The following USP32 variants were observed in gnomAD, a reference collection of about 807,000 sequenced individuals.
The protein encoded by USP32 is ubiquitin specific peptidase 32.
A neutral mutation model predicts 204.8 loss-of-function variants in USP32; 59 were observed. That is an observed-to-expected ratio of 0.29 (90% CI 0.23 to 0.36). The LOEUF (loss-of-function observed/expected upper bound fraction) is 0.36, where lower values mean the gene tolerates loss of function less well. USP32 is among the 10% of genes least tolerant of loss of function. The pLI is 1.00. For synonymous variants in USP32, 517 were observed against 678.4 expected, an observed-to-expected ratio of 0.76 and a Z score of 3.70; for missense variants, 1,160 against 1,946.4, an observed-to-expected ratio of 0.60 and a Z score of 7.60.
intron 1 of USP32, among the ~76,000 whole-genome samples, chr17:60,402,259 T>TC (rs2143025164): frequency 6.6e-6 from 1 of 150,416 alleles, no homozygotes; most frequent in South Asian, 2.1e-4. Flanking sequence ...TTTTTTTTTT[T>TC]TTTTTTTTTA....
chr17:60,366,206 T>C (rs2089310048), intron 1 of USP32, among the ~76,000 whole-genome samples: 1 of 152,110 alleles, frequency 6.6e-6, no homozygotes. Context: ...TCGCCTAGGC[T>C]GGAGTGCAGT....
rs377257156 is a variant in USP32 at position 60,221,694 on chromosome 17, C to T, written c.1749+715G>A. Among the ~76,000 whole-genome samples the T allele has an allele frequency of 1.4e-3, 206 of 151,944 alleles. 1 individual carries two copies. Among genetic ancestry groups the T allele is most frequent in the African/African-American group, 4.6e-3 (189 of 41,452 alleles). On this transcript the variant is annotated intron_variant, in intron 15 of 33. Transcript: ENST00000300896. Reference sequence around the variant, plus strand: ...ATAATTTTTGTATTTTTATTAGACACGGGGTTTCACTATGTTGGCCAGGCT... The same window carrying T: ...ATAATTTTTGTATTTTTATTAGACATGGGGTTTCACTATGTTGGCCAGGCT...
At chr17:60,321,616 G>A (rs887458686) in intron 2 of USP32, among the ~76,000 whole-genome samples, 2 of 152,070 alleles carry the variant, frequency 1.3e-5, no homozygotes, top group Non-Finnish European at 2.9e-5. Flanking sequence ...AATTCCCAAA[G>A]AAATGAGGGC....
chr17:60,330,781 GT>G, intron 2 of USP32, among the ~76,000 whole-genome samples: 1 of 152,156 alleles, frequency 6.6e-6, no homozygotes, highest in Middle Eastern at 3.4e-3. Context: ...TAAAAGCTTA[GT>G]TAAACCCAAA....
intron 2 of USP32, among the ~76,000 whole-genome samples, chr17:60,308,828 T>TGAGACAGGAGAATTGCTCTA (rs1356134575): frequency 6.6e-6 from 1 of 152,180 alleles, no homozygotes; most frequent in Non-Finnish European, 1.5e-5. Context: ...CTCAGGAGGC[T>TGAGACAGGAGAATTGCTCTA]GAGACAGGAG....
In USP32 at chr17:60,259,143, T is replaced by C. The variant is rs183489065; in HGVS notation, c.991-3885A>G. ...ACCAGCAAGGAAGCTTTCCTTTAGC[T>C]CCCTTTACACATTTTATGGTAAGTA... On this transcript the variant is annotated intron_variant, in intron 9 of 33. Transcript: ENST00000300896. Among the ~76,000 whole-genome samples the C allele has an allele frequency of 2.3e-4, 35 of 152,266 alleles. No homozygotes were observed. In the East Asian group the frequency reaches 6.8e-3, roughly 29 times the overall value.
intron 29 of USP32, among the ~76,000 whole-genome samples, chr17:60,186,490 T>C (rs986241543): frequency 2.6e-5 from 4 of 152,242 alleles, no homozygotes; most frequent in Admixed American, 2.6e-4. Context: ...TTGCATCTGA[T>C]TCCATGTAAC....
chr17:60,179,096 A>T lies in USP32; in HGVS notation c.*159T>A. The T allele has an allele frequency of 1.2e-6, 1 of 843,740 alleles. No homozygotes were observed. The highest frequency in any genetic ancestry group is 1.8e-6 in the Non-Finnish European group (1 of 565,884). The allele number at this position is 843,740 out of a possible 1,614,324, so 52.3% of individuals were successfully genotyped here. Reference sequence around the variant, plus strand: ...TCAAAATAAAATGATTACTACTCTTAAAGTTAACTATTTTAATTAGAATTT... The same window carrying T: ...TCAAAATAAAATGATTACTACTCTTTAAGTTAACTATTTTAATTAGAATTT... On this transcript the variant is annotated 3_prime_UTR_variant, in exon 34 of 34. Coordinates refer to ENST00000300896, the MANE Select transcript of USP32 (RefSeq NM_032582.4).
rs2086265261 is a variant in USP32 at position 60,255,210 on chromosome 17, C to T, written c.1039G>A (p.Val347Ile). The part of the protein sequence containing the change: ...EDYQIWSVKN[V>I]LANEFLNLLF... ...AGGTTCAAAAACTCATTGGCAAGAA[C>T]ATTTTTCACACTCCAGATCTGATAG... The change falls in exon 10 of 34, where the codon GTT (valine) becomes ATT (isoleucine). Residue 347 changes from valine (V) to isoleucine (I), a missense_variant. Val to Ile is a conservative substitution (Grantham distance 29, BLOSUM62 3). This residue lies in a region of USP32 where 536 missense variants were observed against 680.9 expected (regional missense o/e 0.79). Transcript: ENST00000300896. The T allele has an allele frequency of 6.2e-7, 1 of 1,611,884 alleles. No individual in the cohort carries two copies. Among genetic ancestry groups the T allele is most frequent in the Non-Finnish European group, 8.5e-7 (1 of 1,178,808 alleles).
At chr17:60,196,644 G>A (rs1292159483) in intron 27 of USP32, among the ~76,000 whole-genome samples, 10 of 152,026 alleles carry the variant, frequency 6.6e-5, no homozygotes, top group Admixed American at 3.9e-4. Context: ...GGCCGACATG[G>A]TGAAACCCTG....
chr17:60,325,102 A>T (rs1598246963), intron 2 of USP32, among the ~76,000 whole-genome samples: 1 of 152,058 alleles, frequency 6.6e-6, no homozygotes, highest in Admixed American at 6.6e-5. Flanking sequence ...TAAAACAAGG[A>T]AAAACAAAAT....
chr17:60,368,637 T>G (rs1043309935), intron 1 of USP32, among the ~76,000 whole-genome samples: 2 of 152,048 alleles, frequency 1.3e-5, no homozygotes, highest in Non-Finnish European at 2.9e-5. Context: ...AACTAAGAAT[T>G]AAATCTACCC....
intron 1 of USP32, among the ~76,000 whole-genome samples, chr17:60,402,004 T>G (rs750646846): frequency 8.5e-5 from 13 of 152,292 alleles, no homozygotes; most frequent in Middle Eastern, 3.4e-3. Context: ...GCAACCTTTC[T>G]GGAAAAGGGT....
chr17:60,375,643 G>A (rs770679494), intron 1 of USP32, among the ~76,000 whole-genome samples: 49 of 152,072 alleles, frequency 3.2e-4, no homozygotes, highest in African/African-American at 8.0e-4. Flanking sequence ...TCGCTCTGTC[G>A]CTCAGGCTGG....
At chr17:60,260,160 C>T (rs977854047) in intron 9 of USP32, among the ~76,000 whole-genome samples, 2 of 152,024 alleles carry the variant, frequency 1.3e-5, no homozygotes, top group Non-Finnish European at 2.9e-5. Flanking sequence ...ACTAGATAAC[C>T]ATCCATCATT....
chr17:60,338,107 T>C (rs899602772), intron 2 of USP32, among the ~76,000 whole-genome samples: 2 of 151,984 alleles, frequency 1.3e-5, no homozygotes, highest in Admixed American at 1.3e-4. Flanking sequence ...GCAGATAGCT[T>C]GAGCCCAAAA....
At chr17:60,247,655 T>G (rs561219510) in intron 11 of USP32, among the ~76,000 whole-genome samples, 2 of 151,210 alleles carry the variant, frequency 1.3e-5, no homozygotes, top group African/African-American at 4.9e-5. Flanking sequence ...ATGTGGGGGG[T>G]TTTGCTTGTT....
intron 9 of USP32, 59 bp downstream of exon 9, chr17:60,265,353 T>C (rs1455496743): frequency 1.4e-5 from 17 of 1,209,174 alleles, no homozygotes; most frequent in East Asian, 9.6e-5. Flanking sequence ...AAGCGATACA[T>C]CCCAAATGGA....
At chr17:60,305,175 G>GT (rs148779486) in intron 2 of USP32, 9,173 of 152,272 alleles carry the variant, frequency 0.06, 357 homozygotes, top group East Asian at 0.11. Context: ...AAGAAAAGAG[G>GT]TTTTTTTGGC....
Sources: gnomAD v4.1 joint callset for allele counts (sites outside exome capture counted in the v4.1 genomes callset) on GRCh38, gnomAD v4.1.1 for gene constraint, gnomAD v4.1.1 regional missense constraint, MANE v1.5 for transcripts, NCBI Gene and HGNC (gene_info 2026-07-23, HGNC 2026-07-21) for gene names.